The following GNAQ variants were observed in gnomAD, a reference collection of about 807,000 sequenced individuals.
GNAQ encodes G protein subunit alpha q, also known as guanine nucleotide-binding protein G(q) subunit alpha.
GNAQ carries 8 observed loss-of-function variants against 43.9 expected under a neutral mutation model. That is an observed-to-expected ratio of 0.18 (90% confidence interval 0.11 to 0.33). GNAQ has a LOEUF of 0.33. Ranked by LOEUF, GNAQ falls within the 10% of genes least tolerant of loss-of-function variation. The pLI is 1.00. For synonymous variants in GNAQ, 155 were observed against 170.7 expected (o/e 0.91, Z 0.71); for missense variants, 158 against 450.8 (o/e 0.35, Z 5.88).
At chr9:77,863,891 C>T (rs928029250) in intron 2 of GNAQ, among the ~76,000 whole-genome samples, 7 of 152,100 alleles carry the variant, frequency 4.6e-5, no homozygotes, top group African/African-American at 7.2e-5. Context: ...AAAGACCTGC[C>T]GCCATGATTC....
chr9:77,946,866 AG>A (rs1309376858), intron 1 of GNAQ, among the ~76,000 whole-genome samples: 2 of 152,258 alleles, frequency 1.3e-5, no homozygotes, highest in African/African-American at 4.8e-5. Flanking sequence ...AATGATGCCT[AG>A]CTCACAGGGT....
At chr9:77,766,882 G>A (rs1826144934) in intron 5 of GNAQ, among the ~76,000 whole-genome samples, 1 of 152,102 alleles carries the variant, frequency 6.6e-6, no homozygotes, top group Non-Finnish European at 1.5e-5. Context: ...GGTTACGAAA[G>A]GTATGGCTGT....
intron 2 of GNAQ, among the ~76,000 whole-genome samples, chr9:77,893,928 C>T (rs1008679954): frequency 6.6e-6 from 1 of 152,034 alleles, no homozygotes; most frequent in Admixed American, 6.6e-5. Flanking sequence ...TTCTTCCTCC[C>T]CACTCTCACC....
chr9:77,943,376 G>A (rs1426139411), intron 1 of GNAQ, among the ~76,000 whole-genome samples: 2 of 152,200 alleles, frequency 1.3e-5, no homozygotes, highest in Non-Finnish European at 1.5e-5. Flanking sequence ...TGTTGTAACA[G>A]ATTTGCAAAT....
intron 1 of GNAQ, among the ~76,000 whole-genome samples, chr9:77,961,383 T>A (rs781068170): frequency 6.6e-6 from 1 of 152,002 alleles, no homozygotes; most frequent in African/African-American, 2.4e-5. Context: ...AGGCTTAGAA[T>A]CCTAGAATGT....
At chr9:77,987,968 G>A (rs974342609) in intron 1 of GNAQ, among the ~76,000 whole-genome samples, 1 of 152,212 alleles carries the variant, frequency 6.6e-6, no homozygotes, top group Non-Finnish European at 1.5e-5. Flanking sequence ...AGTCCTCACT[G>A]AGACAACTTA....
chr9:77,893,394 G>A (rs1564143263), intron 2 of GNAQ, among the ~76,000 whole-genome samples: 1 of 152,150 alleles, frequency 6.6e-6, no homozygotes, highest in African/African-American at 2.4e-5. Context: ...ATGTTCAGAA[G>A]TTAACTTATA....
At chr9:77,952,727 A>C (rs1027448858) in intron 1 of GNAQ, among the ~76,000 whole-genome samples, 5 of 152,200 alleles carry the variant, frequency 3.3e-5, no homozygotes, top group Non-Finnish European at 7.3e-5. Flanking sequence ...GTGTCAGTTG[A>C]CTACTAAACC....
chr9:77,928,740 T>C (rs1198611642), intron 1 of GNAQ, among the ~76,000 whole-genome samples: 1 of 152,094 alleles, frequency 6.6e-6, no homozygotes, highest in Non-Finnish European at 1.5e-5. Flanking sequence ...AAATTTTAGG[T>C]CCGGCATGGT....
chr9:77,788,295 A>T (rs577302111), intron 5 of GNAQ, among the ~76,000 whole-genome samples: 2 of 152,346 alleles, frequency 1.3e-5, no homozygotes, highest in South Asian at 2.1e-4. Flanking sequence ...CACAGCAGGG[A>T]ACAGTCACGT....
rs537234373 is a variant in GNAQ, at chr9:77,871,951, A to G, written c.321+50210T>C. 9.2e-5 allele frequency among the ~76,000 whole-genome samples: 14 copies of G among 152,300 alleles called. No individual in the cohort carries two copies. The East Asian group carries it at 2.7e-3, about 29-fold the overall frequency. On this transcript the variant is annotated intron_variant, in intron 2 of 6. Coordinates refer to ENST00000286548, the MANE Select transcript of GNAQ (RefSeq NM_002072.5). ...CTGAAACTTTGGACAAAACATTGCT[A>G]TGCCCTAAATTATTATCTCATGTAT...
intron 1 of GNAQ, among the ~76,000 whole-genome samples, chr9:77,962,974 A>G (rs1236637708): frequency 1.3e-5 from 2 of 151,960 alleles, no homozygotes; most frequent in Non-Finnish European, 2.9e-5. Flanking sequence ...AAATGTTTGT[A>G]CCAAAATACA....
At chr9:77,880,846 G>C (rs140113629) in intron 2 of GNAQ, among the ~76,000 whole-genome samples, 1 of 152,194 alleles carries the variant, frequency 6.6e-6, no homozygotes, top group Admixed American at 6.5e-5. Flanking sequence ...ATGCTTCCCA[G>C]GGTCTGTCCC....
At chr9:77,885,338 A>T (rs1164655273) in intron 2 of GNAQ, among the ~76,000 whole-genome samples, 1 of 152,214 alleles carries the variant, frequency 6.6e-6, no homozygotes, top group African/African-American at 2.4e-5. Flanking sequence ...TGAGGATGCA[A>T]GCAAAACTCC....
intron 5 of GNAQ, among the ~76,000 whole-genome samples, chr9:77,759,024 C>T (rs1284948803): frequency 6.6e-6 from 1 of 152,030 alleles, no homozygotes; most frequent in Non-Finnish European, 1.5e-5. Context: ...AACAAATGAA[C>T]TCAATAGAGT....
intron 2 of GNAQ, among the ~76,000 whole-genome samples, chr9:77,863,044 C>T (rs574452321): frequency 1.3e-5 from 2 of 152,260 alleles, no homozygotes; most frequent in African/African-American, 4.8e-5. Flanking sequence ...TGTGGTGGCA[C>T]ATGCCTGTAA....
At chr9:77,756,601 C>G (rs1825907100) in intron 5 of GNAQ, among the ~76,000 whole-genome samples, 1 of 152,182 alleles carries the variant, frequency 6.6e-6, no homozygotes, top group South Asian at 2.1e-4. Flanking sequence ...AACCTGGGTT[C>G]CTGACTGGCC....
At chr9:77,879,148 G>T (rs1236728210) in intron 2 of GNAQ, among the ~76,000 whole-genome samples, 1 of 152,012 alleles carries the variant, frequency 6.6e-6, no homozygotes, top group Non-Finnish European at 1.5e-5. Context: ...CTGAAAAATA[G>T]AAAAAAATAC....
At chr9:77,897,686 T>G (rs948546099) in intron 2 of GNAQ, among the ~76,000 whole-genome samples, 2 of 152,140 alleles carry the variant, frequency 1.3e-5, no homozygotes, top group Non-Finnish European at 2.9e-5. Flanking sequence ...TCCTGGTTTA[T>G]AGTCTACAAA....
Sources: gnomAD v4.1 joint callset for allele counts (sites outside exome capture counted in the v4.1 genomes callset) on GRCh38, gnomAD v4.1.1 for gene constraint, MANE v1.5 for transcripts, NCBI Gene and HGNC (gene_info 2026-07-23, HGNC 2026-07-21) for gene names.